FRAS1: variants seen among roughly 807,000 people sequenced by gnomAD.
FRAS1 encodes Fraser extracellular matrix complex subunit 1, also known as extracellular matrix organizing protein FRAS1.
Under a neutral mutation model 435.2 loss-of-function variants are expected in FRAS1, and 290 were observed. That is an observed-to-expected ratio of 0.67 (90% CI 0.61 to 0.73). The LOEUF (loss-of-function observed/expected upper bound fraction) is 0.73, where lower values mean the gene tolerates loss of function less well. Ranked by LOEUF, FRAS1 falls within the 30% of genes least tolerant of loss-of-function variation. FRAS1 has a pLI of 0.00. For missense variants in FRAS1, 4,860 were observed against 5,001.5 expected, an observed-to-expected ratio of 0.97 and a Z score of 0.85; for synonymous variants, 1,800 against 1,851.0, an observed-to-expected ratio of 0.97 and a Z score of 0.71.
chr4:78,089,737 C>G (rs758350363), intron 2 of FRAS1, among the ~76,000 whole-genome samples: 7 of 152,054 alleles, frequency 4.6e-5, no homozygotes, highest in Non-Finnish European at 1.0e-4. Flanking sequence ...GCTCTTCAAA[C>G]TTTGCTTTTT....
rs760944447 is a variant in FRAS1, at chr4:78,477,965, A to G, written c.8002A>G (p.Asn2668Asp). 6.2e-7 allele frequency: 1 copy of G among 1,613,184 alleles called. No homozygotes were observed. The highest frequency in any genetic ancestry group is 8.5e-7 in the Non-Finnish European group (1 of 1,179,622). ...ATTCACCCAGGCGAAGGTCATTATC[A>G]ACGATACCGAGGATGAACCCACATT... ...GEFTQAKVII[N>D]DTEDEPTLEF... is the part of the protein sequence containing the mutation. Residue 2668 changes from asparagine (N) to aspartate (D), a missense_variant, in exon 55 of 74, where the codon AAC (asparagine) becomes GAC (aspartate). By Grantham distance (23) the Asn-to-Asp change is conservative. Coordinates refer to ENST00000512123, the MANE Select transcript of FRAS1 (RefSeq NM_025074.7).
At chr4:78,282,229 G>A (rs114187131) in intron 11 of FRAS1, among the ~76,000 whole-genome samples, 11 of 152,166 alleles carry the variant, frequency 7.2e-5, no homozygotes, top group African/African-American at 2.2e-4. Context: ...GTTCTCTGCC[G>A]ACTACTAATG....
At chr4:78,500,380 AT>A (rs1002187678) in intron 61 of FRAS1, among the ~76,000 whole-genome samples, 2 of 152,184 alleles carry the variant, frequency 1.3e-5, no homozygotes, top group African/African-American at 4.8e-5. Context: ...CACAATTTAT[AT>A]GGAGATGAGT....
chr4:78,102,536 A>C (rs774074972), intron 2 of FRAS1, among the ~76,000 whole-genome samples: 32 of 152,182 alleles, frequency 2.1e-4, no homozygotes, highest in Admixed American at 2.1e-3. Context: ...TAATTTTCCA[A>C]GTTAAGATGA....
chr4:78,442,151 T>C (rs1310902589), intron 41 of FRAS1, among the ~76,000 whole-genome samples: 1 of 152,242 alleles, frequency 6.6e-6, no homozygotes, highest in Non-Finnish European at 1.5e-5. Context: ...TTAGCAGTGG[T>C]CATGTTTTCC....
At position 78,540,640 on chromosome 4, in the gene FRAS1, G is replaced by A. The variant is rs771816712; in HGVS notation, c.11555G>A (p.Arg3852Gln). 26 of 1,602,362 alleles carry A rather than the reference G, an allele frequency of 1.6e-5. No homozygotes were observed. Among genetic ancestry groups the A allele is most frequent in the African/African-American group, 2.7e-5 (2 of 74,500 alleles). ...RSLTAPLRRNRRDLVEPDGQL... is the reference protein window; with the variant it reads ...RSLTAPLRRNQRDLVEPDGQL... The stretch of plus-strand genomic sequence containing the variant: ...CTCACAGCTCCACTCAGACGCAACC[G>A]AAGGGACCTGGTAGAGCCCGATGGC... The change falls in exon 74 of 74, where the codon CGA becomes CAA. Residue 3852 changes from arginine to glutamine, a missense_variant. Arg to Gln is a conservative substitution (Grantham distance 43). Transcript: ENST00000512123.
intron 2 of FRAS1, among the ~76,000 whole-genome samples, chr4:78,149,865 C>T (rs1720570742): frequency 6.6e-6 from 1 of 152,138 alleles, no homozygotes. Context: ...TCATCATCTG[C>T]ACGATCTGCA....
At chr4:78,189,910 A>ATGACCATCTCC (rs58117161) in intron 2 of FRAS1, among the ~76,000 whole-genome samples, 56,342 of 151,940 alleles carry the variant, frequency 0.37, 10,723 homozygotes, top group African/African-American at 0.46. Flanking sequence ...CATCCAATGC[A>ATGACCATCTCC]TATAAATTCT....
chr4:78,123,920 A>C (rs116018436), intron 2 of FRAS1, among the ~76,000 whole-genome samples: 2,723 of 152,348 alleles, frequency 0.018, 24 homozygotes, highest in Non-Finnish European at 0.029. Flanking sequence ...AGTCATCTGC[A>C]AACAGAGACT....
intron 2 of FRAS1, among the ~76,000 whole-genome samples, chr4:78,115,452 C>G (rs1743085688): frequency 6.6e-6 from 1 of 152,138 alleles, no homozygotes; most frequent in Non-Finnish European, 1.5e-5. Flanking sequence ...GTGAATCCAT[C>G]TTGTCCTGGA....
intron 9 of FRAS1, among the ~76,000 whole-genome samples, chr4:78,278,184 C>A (rs1384262520): frequency 6.6e-6 from 1 of 152,170 alleles, no homozygotes; most frequent in Non-Finnish European, 1.5e-5. Context: ...TAGTTTTCTA[C>A]TGCTTAATTT....
intron 2 of FRAS1, among the ~76,000 whole-genome samples, chr4:78,094,642 ATG>A (rs1206710744): frequency 6.6e-5 from 10 of 152,268 alleles, no homozygotes; most frequent in East Asian, 3.9e-4. Context: ...TTAAGAAAAG[ATG>A]TGTAATTAAT....
intron 2 of FRAS1, among the ~76,000 whole-genome samples, chr4:78,113,481 C>G (rs1300341125): frequency 6.6e-6 from 1 of 152,152 alleles, no homozygotes; most frequent in Non-Finnish European, 1.5e-5. Flanking sequence ...ACATCCTCTC[C>G]AGCACCTGTT....
At chr4:78,112,299 C>A (rs1742776108) in intron 2 of FRAS1, among the ~76,000 whole-genome samples, 1 of 152,040 alleles carries the variant, frequency 6.6e-6, no homozygotes, top group Non-Finnish European at 1.5e-5. Context: ...ATATTGGGAA[C>A]CTGGCTTTTT....
At chr4:78,318,474 G>T (rs528980184) in intron 17 of FRAS1, among the ~76,000 whole-genome samples, 8 of 152,296 alleles carry the variant, frequency 5.3e-5, no homozygotes, top group African/African-American at 1.7e-4. Context: ...AAAACCAAGG[G>T]CATAATGTTA....
At chr4:78,209,571 C>T (rs1396576068) in intron 2 of FRAS1, among the ~76,000 whole-genome samples, 1 of 152,104 alleles carries the variant, frequency 6.6e-6, no homozygotes, top group East Asian at 1.9e-4. Context: ...GCTTCCTTTA[C>T]CCTACCCACA....
intron 32 of FRAS1, among the ~76,000 whole-genome samples, chr4:78,416,402 A>T (rs1290607364): frequency 2.0e-5 from 3 of 152,056 alleles, no homozygotes; most frequent in Admixed American, 2.0e-4. Context: ...GCATATAGTC[A>T]ACACTACAGA....
chr4:78,192,924 C>G (rs1243429352), intron 2 of FRAS1, among the ~76,000 whole-genome samples: 1 of 152,184 alleles, frequency 6.6e-6, no homozygotes, highest in African/African-American at 2.4e-5. Context: ...CTATAAATTT[C>G]CCTCTACACA....
intron 20 of FRAS1, among the ~76,000 whole-genome samples, chr4:78,356,014 T>C (rs527434553): frequency 6.6e-6 from 1 of 152,340 alleles, no homozygotes; most frequent in African/African-American, 2.4e-5. Context: ...CCATAGACTT[T>C]ACTGTGAGTA....
Sources: allele counts gnomAD v4.1 joint callset (sites outside exome capture counted in the v4.1 genomes callset), GRCh38; gene constraint gnomAD v4.1.1; transcripts MANE v1.5; gene names NCBI Gene and HGNC (gene_info 2026-07-23, HGNC 2026-07-21).